The following CFI variants were observed in gnomAD, a reference collection of about 807,000 sequenced individuals.
CFI encodes complement factor I.
CFI carries 66 observed loss-of-function variants against 78.8 expected under a neutral mutation model. That is an observed-to-expected ratio of 0.84 (90% confidence interval 0.69 to 1.03). CFI has a LOEUF of 1.03. Ranked by LOEUF, CFI falls within the 50% of genes least tolerant of loss-of-function variation. The pLI, the probability that CFI is intolerant of heterozygous loss-of-function variation, is 0.00. For synonymous variants in CFI, 250 were observed against 232.6 expected, an observed-to-expected ratio of 1.07 and a Z score of -0.68; for missense variants, 706 against 704.5, an observed-to-expected ratio of 1.00 and a Z score of -0.02.
chr4:109,754,674 A>G (rs1725906185), intron 7 of CFI, among the ~76,000 whole-genome samples: 1 of 152,096 alleles, frequency 6.6e-6, no homozygotes, highest in East Asian at 1.9e-4. Flanking sequence ...TCTCTTTGGG[A>G]CAGGCATATG....
chr4:109,746,321 A>G lies in CFI; in HGVS notation c.1330T>C (p.Cys444Arg). The stretch of plus-strand genomic sequence containing the variant: ...GCAGGGATGGAACGAGGCAGCTCAC[A>G]ATCTTTTTTGTTTCCGTCTTTTTTC... ...EMKKDGNKKDCELPRSIPACV... is the reference protein window; with the variant it reads ...EMKKDGNKKDRELPRSIPACV... The change falls in exon 11 of 13, where the codon TGT becomes CGT. Residue 444 changes from cysteine to arginine, a missense_variant. Transcript: ENST00000394634. 2 of 1,614,160 alleles carry G rather than the reference A, an allele frequency of 1.2e-6. No homozygotes were observed. The highest frequency in any genetic ancestry group is 8.5e-7 in the Non-Finnish European group (1 of 1,180,000).
At chr4:109,735,953 G>A (rs192417038), downstream of CFI, among the ~76,000 whole-genome samples, 142 of 152,340 alleles carry the variant, frequency 9.3e-4, no homozygotes, top group African/African-American at 2.8e-3. Flanking sequence ...ACACATGACC[G>A]TTGCTGTGCA....
chr4:109,776,366 G>GTA (rs1553916866), intron 1 of CFI, among the ~76,000 whole-genome samples: 1 of 152,124 alleles, frequency 6.6e-6, no homozygotes, highest in Non-Finnish European at 1.5e-5. Flanking sequence ...GGAAGAAAGG[G>GTA]TATCAATGAT....
chr4:109,789,429 T>C (rs1277882072), intron 1 of CFI, among the ~76,000 whole-genome samples: 3 of 143,352 alleles, frequency 2.1e-5, no homozygotes, highest in Non-Finnish European at 4.4e-5. Flanking sequence ...TTCAAAAGAG[T>C]CAAGGAAAAA....
intron 1 of CFI, among the ~76,000 whole-genome samples, chr4:109,797,581 A>G (rs1019840593): frequency 6.6e-6 from 1 of 152,166 alleles, no homozygotes; most frequent in Non-Finnish European, 1.5e-5. Context: ...AAGTGGGACT[A>G]CCTCAAGCTA....
chr4:109,787,626 C>T (rs376429767), intron 1 of CFI, among the ~76,000 whole-genome samples: 1 of 150,870 alleles, frequency 6.6e-6, no homozygotes, highest in East Asian at 2.0e-4. Flanking sequence ...AATAAATATT[C>T]ATCTTTTTTC....
downstream of CFI, among the ~76,000 whole-genome samples, chr4:109,738,301 G>A (rs1286145943): frequency 1.3e-5 from 2 of 151,846 alleles, no homozygotes; most frequent in Non-Finnish European, 2.9e-5. Context: ...TGATAGAGAT[G>A]GGGTCTTGCT....
At chr4:109,766,107 G>A (rs1727714126) in intron 2 of CFI, among the ~76,000 whole-genome samples, 1 of 152,112 alleles carries the variant, frequency 6.6e-6, no homozygotes, top group South Asian at 2.1e-4. Flanking sequence ...AACAGAGCCA[G>A]ACTCCGTCTC....
chr4:109,774,065 G>A (rs1319965227), intron 1 of CFI, among the ~76,000 whole-genome samples: 2 of 152,178 alleles, frequency 1.3e-5, no homozygotes, highest in Admixed American at 1.3e-4. Context: ...TATTTAGAAA[G>A]TAGTAAGAAA....
At chr4:109,762,015 A>G in intron 3 of CFI, 1 of 308,348 alleles carries the variant, frequency 3.2e-6, no homozygotes, top group Non-Finnish European at 6.2e-6. Flanking sequence ...TATGGTGAAA[A>G]TCCTATCTCT....
chr4:109,760,687 G>T, intron 4 of CFI, 51 bp from the exon 5 acceptor site: 1 of 1,043,038 alleles, frequency 9.6e-7, no homozygotes, highest in South Asian at 1.3e-5. Flanking sequence ...GTGGTGGCAT[G>T]ACATCCTTAT....
chr4:109,766,413 C>T (rs1727753754), intron 2 of CFI, 141 bp downstream of exon 2: 3 of 888,988 alleles, frequency 3.4e-6, no homozygotes, highest in Non-Finnish European at 3.6e-6. Flanking sequence ...TTAGTGATTA[C>T]TCCAATTATT....
chr4:109,766,514 T>G (rs1727767661), intron 2 of CFI, 40 bp downstream of exon 2: 1 of 1,608,652 alleles, frequency 6.2e-7, no homozygotes, highest in South Asian at 1.1e-5. Context: ...CAAATACCCT[T>G]TTATATCATA....
intron 1 of CFI, among the ~76,000 whole-genome samples, chr4:109,769,097 A>G (rs1176230650): frequency 6.6e-6 from 1 of 152,118 alleles, no homozygotes; most frequent in Non-Finnish European, 1.5e-5. Flanking sequence ...AGCAGGTTTT[A>G]TTTATCACCT....
chr4:109,739,439 C>A (rs1228287371), downstream of CFI, among the ~76,000 whole-genome samples: 1 of 151,990 alleles, frequency 6.6e-6, no homozygotes, highest in Non-Finnish European at 1.5e-5. Context: ...ACAACCCAAT[C>A]AAAACAGAAT....
At chr4:109,739,627 A>G (rs928687283), downstream of CFI, among the ~76,000 whole-genome samples, 5 of 152,178 alleles carry the variant, frequency 3.3e-5, no homozygotes, top group Admixed American at 1.3e-4. Flanking sequence ...AGATATTCAC[A>G]TGGCAATGGT....
rs1470468798 is a variant in CFI, at chr4:109,782,791, A to G, written c.58-15967T>C. Among the ~76,000 whole-genome samples the G allele has an allele frequency of 7.2e-5, 11 of 152,206 alleles. No homozygotes were observed. In the South Asian group the frequency reaches 1.4e-3, roughly 20 times the overall value. ...TGATTTCAAACTATACTATAAGGCC[A>G]TAGTCACCAAAACAGTGTCGTACTG... On this transcript the variant is annotated intron_variant, in intron 1 of 12. Coordinates refer to ENST00000394634, the MANE Select transcript of CFI (RefSeq NM_000204.5).
chr4:109,768,345 A>G (rs1387151088), intron 1 of CFI, among the ~76,000 whole-genome samples: 1 of 150,976 alleles, frequency 6.6e-6, no homozygotes, highest in Non-Finnish European at 1.5e-5. Flanking sequence ...AAAAAAAAAA[A>G]AAAAAAAAGA....
intron 1 of CFI, among the ~76,000 whole-genome samples, chr4:109,781,087 G>A (rs1016408570): frequency 5.9e-5 from 9 of 152,164 alleles, no homozygotes; most frequent in African/African-American, 1.9e-4. Flanking sequence ...CATGGCACAT[G>A]TATACATATG....
Sources: gnomAD v4.1 joint callset for allele counts (sites outside exome capture counted in the v4.1 genomes callset) on GRCh38, gnomAD v4.1.1 for gene constraint, MANE v1.5 for transcripts, NCBI Gene and HGNC (gene_info 2026-07-23, HGNC 2026-07-21) for gene names.